Variants in WWOX observed in about 807,000 individuals in gnomAD.
WWOX encodes WW domain-containing oxidoreductase.
Under a neutral mutation model 46.2 loss-of-function variants are expected in WWOX, and 69 were observed. The ratio of observed to expected loss-of-function variants is 1.49; its 90% confidence interval spans 1.23 to 1.82. WWOX has a LOEUF of 1.82. Ranked by LOEUF, WWOX falls within the 40% of genes most tolerant of loss-of-function variation. The pLI is 0.00. For missense variants in WWOX, 919 were observed against 542.6 expected, an observed-to-expected ratio of 1.69 and a Z score of -6.89; for synonymous variants, 359 against 202.6, an observed-to-expected ratio of 1.77 and a Z score of -6.56.
intron 8 of WWOX, among the ~76,000 whole-genome samples, chr16:78,802,943 C>A (rs7404921): frequency 0.61 from 22,822 of 37,264 alleles, 6,237 homozygotes; most frequent in Middle Eastern, 0.69. Flanking sequence ...AAAAAAAAAA[C>A]AACAAACAGA....
intron 6 of WWOX, among the ~76,000 whole-genome samples, chr16:78,422,956 G>A (rs2082987420): frequency 6.8e-6 from 1 of 147,482 alleles, no homozygotes. Context: ...CATGATCTCT[G>A]CTCACTACAA....
Position 78,508,663 on chromosome 16 carries a change from G to T in WWOX, c.1056+75911G>T, listed in dbSNP as rs78270469. ...TTTGATAAGTAGTTGAAAGCTGATG[G>T]TGCCCTCCATTTCAAAGCAACAGAA... is the stretch of plus-strand genomic sequence containing the variant. On this transcript the variant is annotated intron_variant, in intron 8 of 8. Transcript: ENST00000566780. Among the ~76,000 whole-genome samples the T allele has an allele frequency of 3.5e-3, 536 of 152,286 alleles. 3 individuals are homozygous for T. Among genetic ancestry groups the T allele is most frequent in the African/African-American group, 0.012 (517 of 41,542 alleles).
chr16:78,137,896 C>T (rs1270130940), intron 4 of WWOX, among the ~76,000 whole-genome samples: 13 of 150,822 alleles, frequency 8.6e-5, no homozygotes, highest in African/African-American at 2.2e-4. Flanking sequence ...TTTCCTTATC[C>T]GTTTAGACCT....
chr16:78,460,530 G>C (rs1030788313), intron 8 of WWOX, among the ~76,000 whole-genome samples: 2 of 152,120 alleles, frequency 1.3e-5, no homozygotes, highest in Non-Finnish European at 2.9e-5. Context: ...CCCTGAATGT[G>C]ACTGATACCA....
chr16:78,951,695 C>G (rs573345023), intron 8 of WWOX, among the ~76,000 whole-genome samples: 2 of 152,144 alleles, frequency 1.3e-5, no homozygotes, highest in Non-Finnish European at 2.9e-5. Context: ...CGGTTCTACC[C>G]AGTACCGGGG....
intron 8 of WWOX, among the ~76,000 whole-genome samples, chr16:78,874,034 G>A (rs1314842540): frequency 6.6e-6 from 1 of 151,890 alleles, no homozygotes; most frequent in Non-Finnish European, 1.5e-5. Flanking sequence ...GGCCGGGGTG[G>A]GCGGATCACA....
At chr16:78,626,498 G>A (rs1479220091) in intron 8 of WWOX, among the ~76,000 whole-genome samples, 1 of 152,108 alleles carries the variant, frequency 6.6e-6, no homozygotes, top group East Asian at 1.9e-4. Flanking sequence ...TTTCAGGGAG[G>A]AAGACCCCAG....
At chr16:78,850,857 G>C (rs1006107330) in intron 8 of WWOX, among the ~76,000 whole-genome samples, 8 of 152,148 alleles carry the variant, frequency 5.3e-5, no homozygotes, top group African/African-American at 1.9e-4. Flanking sequence ...TGATTGAGTA[G>C]AACTTGGTGC....
intron 8 of WWOX, among the ~76,000 whole-genome samples, chr16:78,926,533 A>C (rs781150230): frequency 8.5e-5 from 13 of 152,190 alleles, no homozygotes; most frequent in African/African-American, 3.1e-4. Flanking sequence ...GCAGCCATTT[A>C]AAAACTTGTT....
intron 8 of WWOX, among the ~76,000 whole-genome samples, chr16:78,789,052 A>T (rs527347464): frequency 5.3e-5 from 8 of 152,326 alleles, no homozygotes; most frequent in Admixed American, 2.6e-4. Flanking sequence ...CGTGATGCAC[A>T]AAAGTTTTAA....
intron 8 of WWOX, among the ~76,000 whole-genome samples, chr16:79,141,631 G>A (rs902459938): frequency 5.9e-5 from 9 of 152,226 alleles, no homozygotes; most frequent in African/African-American, 2.2e-4. Context: ...AGTTTGGGGT[G>A]AAAACACATG....
chr16:78,921,875 T>A (rs1212811315), intron 8 of WWOX, among the ~76,000 whole-genome samples: 1 of 152,194 alleles, frequency 6.6e-6, no homozygotes, highest in African/African-American at 2.4e-5. Context: ...CTTGTGGCAC[T>A]TAGCAGAAGC....
At chr16:79,021,103 C>T (rs1360697312) in intron 8 of WWOX, among the ~76,000 whole-genome samples, 1 of 152,168 alleles carries the variant, frequency 6.6e-6, no homozygotes, top group Admixed American at 6.6e-5. Context: ...TAATGCTAGT[C>T]CAGTGCTTGG....
At chr16:79,018,589 G>T (rs904414071) in intron 8 of WWOX, among the ~76,000 whole-genome samples, 5 of 152,220 alleles carry the variant, frequency 3.3e-5, no homozygotes, top group Admixed American at 3.3e-4. Context: ...ATAGATAATT[G>T]TCAGAATCGA....
At chr16:78,811,877 C>T (rs1054119399) in intron 8 of WWOX, among the ~76,000 whole-genome samples, 1 of 152,188 alleles carries the variant, frequency 6.6e-6, no homozygotes, top group Non-Finnish European at 1.5e-5. Flanking sequence ...TGGTAAGCCT[C>T]TCTCTTCTTA....
chr16:79,055,939 C>T (rs867291534), intron 8 of WWOX, among the ~76,000 whole-genome samples: 1 of 152,200 alleles, frequency 6.6e-6, no homozygotes, highest in African/African-American at 2.4e-5. Flanking sequence ...ATGTAAATTT[C>T]TCATAAATAT....
rs114195975 is a variant in WWOX, at chr16:78,895,179, C to T, written c.1057-316429C>T. 3.9e-3 allele frequency among the ~76,000 whole-genome samples: 599 copies of T among 152,332 alleles called. 4 individuals carry two copies. Among genetic ancestry groups the T allele is most frequent in the African/African-American group, 0.013 (557 of 41,570 alleles). ...CACATTTCAAAGTTGATAGCATCAACGGCTTTAAAATCACTTTTAAAGAAT... is the reference window on the plus strand; with the variant it reads ...CACATTTCAAAGTTGATAGCATCAATGGCTTTAAAATCACTTTTAAAGAAT... On this transcript the variant is annotated intron_variant, in intron 8 of 8. Transcript: ENST00000566780.
chr16:79,161,018 A>G (rs1266924728), intron 8 of WWOX, among the ~76,000 whole-genome samples: 1 of 152,312 alleles, frequency 6.6e-6, no homozygotes, highest in African/African-American at 2.4e-5. Flanking sequence ...ATTATACTAC[A>G]ATTTCCATTA....
intron 8 of WWOX, among the ~76,000 whole-genome samples, chr16:79,063,427 C>G (rs1012153423): frequency 2.0e-5 from 3 of 152,102 alleles, no homozygotes; most frequent in Non-Finnish European, 4.4e-5. Context: ...GAATATTAGT[C>G]AAAACGATAT....
Sources: gnomAD v4.1 joint callset for allele counts (sites outside exome capture counted in the v4.1 genomes callset) on GRCh38, gnomAD v4.1.1 for gene constraint, MANE v1.5 for transcripts, NCBI Gene and HGNC (gene_info 2026-07-23, HGNC 2026-07-21) for gene names.